The following FSHR variants were observed in gnomAD, a reference collection of about 807,000 sequenced individuals.
FSHR encodes follicle stimulating hormone receptor.
Under a neutral mutation model 52.1 loss-of-function variants are expected in FSHR, and 46 were observed. The observed-to-expected ratio is 0.88, with a 90% CI of 0.70 to 1.13. FSHR has a LOEUF of 1.13. Ranked by LOEUF, FSHR falls within the 50% of genes most tolerant of loss-of-function variation. The pLI is 0.00. For missense variants in FSHR, 964 were observed against 834.6 expected (o/e 1.16, Z -1.91); for synonymous variants, 399 against 309.6 (o/e 1.29, Z -3.03).
At chr2:49,056,956 C>A (rs1669087549) in intron 2 of FSHR, among the ~76,000 whole-genome samples, 1 of 151,896 alleles carries the variant, frequency 6.6e-6, no homozygotes, top group Non-Finnish European at 1.5e-5. Context: ...TTAAATCTTT[C>A]TTAAATGAAA....
At chr2:49,127,188 C>T (rs1255100108) in intron 1 of FSHR, among the ~76,000 whole-genome samples, 1 of 151,694 alleles carries the variant, frequency 6.6e-6, no homozygotes, top group Non-Finnish European at 1.5e-5. Context: ...ATTAGCTGGG[C>T]GTGGTGGTGT....
intron 2 of FSHR, among the ~76,000 whole-genome samples, chr2:49,024,365 A>G (rs888711309): frequency 1.3e-5 from 2 of 152,148 alleles, no homozygotes; most frequent in African/African-American, 4.8e-5. Flanking sequence ...ACCTGAGGTC[A>G]GGAGTTTGAG....
chr2:49,080,562 T>C (rs1670131087), intron 1 of FSHR, among the ~76,000 whole-genome samples: 1 of 152,182 alleles, frequency 6.6e-6, no homozygotes, highest in African/African-American at 2.4e-5. Flanking sequence ...TTCCAAAGTA[T>C]AATGTTGAGA....
chr2:48,985,350 C>G (rs900659529), intron 6 of FSHR, among the ~76,000 whole-genome samples: 1 of 152,184 alleles, frequency 6.6e-6, no homozygotes, highest in Non-Finnish European at 1.5e-5. Flanking sequence ...GACGGGCAGA[C>G]TGAGGAACAG....
chr2:49,054,464 G>A (rs949397434), intron 2 of FSHR, among the ~76,000 whole-genome samples: 1 of 152,116 alleles, frequency 6.6e-6, no homozygotes, highest in African/African-American at 2.4e-5. Context: ...ACATCCCTGT[G>A]GGCCACCCCA....
intron 1 of FSHR, among the ~76,000 whole-genome samples, chr2:49,109,363 G>C (rs1243864401): frequency 1.3e-5 from 2 of 152,294 alleles, no homozygotes; most frequent in South Asian, 4.1e-4. Context: ...TGCCATGAGA[G>C]ATGAAGTCTC....
chr2:49,065,511 G>T (rs1375632771), intron 2 of FSHR, among the ~76,000 whole-genome samples: 1 of 152,072 alleles, frequency 6.6e-6, no homozygotes, highest in East Asian at 1.9e-4. Context: ...AACCTGGGCA[G>T]ATGGTGACAT....
At chr2:49,147,338 CT>C (rs1052082896) in intron 1 of FSHR, among the ~76,000 whole-genome samples, 17 of 152,028 alleles carry the variant, frequency 1.1e-4, no homozygotes, top group Admixed American at 1.3e-4. Context: ...ATCTAAGCGC[CT>C]AAAGAAAAAG....
intron 1 of FSHR, among the ~76,000 whole-genome samples, chr2:49,152,195 T>C (rs546719329): frequency 6.6e-6 from 1 of 152,298 alleles, no homozygotes; most frequent in African/African-American, 2.4e-5. Flanking sequence ...TATGCAACTT[T>C]GTCCTCTAAT....
chr2:49,007,765 C>A (rs924573592), intron 4 of FSHR, among the ~76,000 whole-genome samples: 1 of 152,112 alleles, frequency 6.6e-6, no homozygotes, highest in Admixed American at 6.6e-5. Context: ...TCATGATCAT[C>A]ATCAAATCAG....
chr2:49,079,212 C>T (rs1158185593), intron 1 of FSHR, among the ~76,000 whole-genome samples: 3 of 151,780 alleles, frequency 2.0e-5, no homozygotes, highest in Non-Finnish European at 4.4e-5. Context: ...TAATCAAATA[C>T]TTAATTGAAA....
intron 1 of FSHR, among the ~76,000 whole-genome samples, chr2:49,121,066 A>G (rs530369776): frequency 6.6e-6 from 1 of 152,228 alleles, no homozygotes; most frequent in Non-Finnish European, 1.5e-5. Context: ...CATCCTTTGA[A>G]AGAAAAATTG....
intron 4 of FSHR, among the ~76,000 whole-genome samples, chr2:49,005,237 A>G (rs1055730034): frequency 2.0e-5 from 3 of 152,126 alleles, no homozygotes; most frequent in East Asian, 1.9e-4. Flanking sequence ...CACCACCTTT[A>G]CAATCAAGAG....
intron 1 of FSHR, among the ~76,000 whole-genome samples, chr2:49,130,186 T>C (rs150389524): frequency 1.3e-5 from 2 of 152,302 alleles, no homozygotes; most frequent in African/African-American, 2.4e-5. Context: ...TCTGCCCTGA[T>C]GTTTTGCTAG....
intron 2 of FSHR, among the ~76,000 whole-genome samples, chr2:49,022,703 G>A (rs1232667316): frequency 1.3e-5 from 2 of 152,050 alleles, no homozygotes; most frequent in Non-Finnish European, 2.9e-5. Flanking sequence ...GTGCCATATT[G>A]AGCACCCCTC....
chr2:49,038,603 C>T (rs200550464), intron 2 of FSHR, among the ~76,000 whole-genome samples: 3 of 141,490 alleles, frequency 2.1e-5, no homozygotes, highest in South Asian at 2.3e-4. Flanking sequence ...CCAGCCTGGG[C>T]GACAGAGCAA....
At chr2:49,105,518 G>C (rs371725750) in intron 1 of FSHR, among the ~76,000 whole-genome samples, 1 of 152,112 alleles carries the variant, frequency 6.6e-6, no homozygotes, top group African/African-American at 2.4e-5. Context: ...TTCAAGAGTC[G>C]TGAGGCTGGG....
At chr2:49,034,050 A>G (rs555660013) in intron 2 of FSHR, among the ~76,000 whole-genome samples, 7 of 152,204 alleles carry the variant, frequency 4.6e-5, no homozygotes, top group Non-Finnish European at 8.8e-5. Context: ...GCAACACTGC[A>G]GAAAGTAAAC....
chr2:49,132,966 A>T (rs1292802319), intron 1 of FSHR, among the ~76,000 whole-genome samples: 2 of 101,028 alleles, frequency 2.0e-5, no homozygotes, highest in Non-Finnish European at 1.9e-5. Context: ...ATTAAAACTC[A>T]GTAAAAAAAA....
Sources: gnomAD v4.1 joint callset for allele counts (sites outside exome capture counted in the v4.1 genomes callset) on GRCh38, gnomAD v4.1.1 for gene constraint, MANE v1.5 for transcripts, NCBI Gene and HGNC (gene_info 2026-07-23, HGNC 2026-07-21) for gene names.